Variants in NALF1 observed in about 807,000 individuals in gnomAD.
NALF1 encodes the protein NALCN channel auxiliary factor 1.
A neutral mutation model predicts 48.4 loss-of-function variants in NALF1; 3 were observed. That is an observed-to-expected ratio of 0.06 (90% CI 0.03 to 0.16). The LOEUF is 0.16. Among genes scored for constraint, NALF1 ranks in the 10% least tolerant of loss-of-function variants. NALF1 has a pLI of 1.00. For synonymous variants in NALF1, 262 were observed against 245.7 expected (o/e 1.07, Z -0.62); for missense variants, 526 against 571.5 (o/e 0.92, Z 0.81).
At chr13:107,517,227 T>C (rs1415268699) in intron 1 of NALF1, among the ~76,000 whole-genome samples, 1 of 151,840 alleles carries the variant, frequency 6.6e-6, no homozygotes, top group Non-Finnish European at 1.5e-5. Flanking sequence ...TTTTATAAAA[T>C]AGAGAAAATA....
chr13:107,288,652 C>T (rs576135331), intron 1 of NALF1, among the ~76,000 whole-genome samples: 37 of 151,944 alleles, frequency 2.4e-4, no homozygotes, highest in Admixed American at 2.0e-3. Flanking sequence ...CTGCCTCAGC[C>T]TCCGGAGTAG....
At chr13:107,327,978 T>C (rs1408352215) in intron 1 of NALF1, among the ~76,000 whole-genome samples, 6 of 151,856 alleles carry the variant, frequency 4.0e-5, no homozygotes, top group Non-Finnish European at 8.8e-5. Flanking sequence ...TGGAGTTCGG[T>C]GGCAGGATCA....
intron 1 of NALF1, among the ~76,000 whole-genome samples, chr13:107,543,652 G>A (rs1284853370): frequency 2.6e-5 from 4 of 151,782 alleles, no homozygotes; most frequent in South Asian, 2.1e-4. Context: ...AATTGGGAAC[G>A]GTCTGCATAT....
intron 1 of NALF1, chr13:107,466,519 G>T (rs140832313): frequency 6.6e-6 from 1 of 152,312 alleles, no homozygotes; most frequent in East Asian, 1.9e-4. Context: ...GACTCATCTG[G>T]GGAGAATGTC....
At chr13:107,453,892 A>T (rs761873248) in intron 1 of NALF1, among the ~76,000 whole-genome samples, 17 of 152,194 alleles carry the variant, frequency 1.1e-4, no homozygotes, top group Non-Finnish European at 2.5e-4. Flanking sequence ...CTCTCACAAG[A>T]TACCCTAAAT....
intron 1 of NALF1, among the ~76,000 whole-genome samples, chr13:107,802,024 G>T (rs572888186): frequency 6.6e-6 from 1 of 152,124 alleles, no homozygotes; most frequent in African/African-American, 2.4e-5. Flanking sequence ...AGAAAGAAAC[G>T]TGTGAAACCT....
At chr13:107,832,485 G>T (rs1206205263) in intron 1 of NALF1, among the ~76,000 whole-genome samples, 1 of 152,028 alleles carries the variant, frequency 6.6e-6, no homozygotes, top group African/African-American at 2.4e-5. Context: ...GCTAACCCCA[G>T]TTGGATCCCA....
intron 1 of NALF1, among the ~76,000 whole-genome samples, chr13:107,754,394 C>T (rs1178837233): frequency 7.2e-6 from 1 of 139,052 alleles, no homozygotes; most frequent in African/African-American, 2.7e-5. Flanking sequence ...CACACACACA[C>T]ACACCATATA....
rs532323635 is a variant in NALF1, at chr13:107,679,418, G to A, written c.915+186264C>T. 2.7e-3 allele frequency among the ~76,000 whole-genome samples: 407 copies of A among 152,320 alleles called. 1 individual carries two copies. The highest frequency in any genetic ancestry group is 4.6e-3 in the Non-Finnish European group (310 of 68,026). On this transcript the variant is annotated intron_variant, in intron 1 of 2. Transcript: ENST00000375915. ...CTCAATAAATATTTGTCAAAGAAGC[G>A]AGTGTTAGATCCCGGGGGCTGGGTG... is the stretch of plus-strand genomic sequence containing the variant.
At chr13:107,442,794 A>G (rs1329293245) in intron 1 of NALF1, among the ~76,000 whole-genome samples, 2 of 152,264 alleles carry the variant, frequency 1.3e-5, no homozygotes, top group African/African-American at 4.8e-5. Context: ...AAAGTGAATC[A>G]ATGTGACAAA....
chr13:107,560,720 C>T (rs1877621406), intron 1 of NALF1, among the ~76,000 whole-genome samples: 1 of 152,070 alleles, frequency 6.6e-6, no homozygotes, highest in Non-Finnish European at 1.5e-5. Context: ...CTATGCTCCC[C>T]CACTGGTCTA....
At chr13:107,766,496 T>C (rs190054346) in intron 1 of NALF1, among the ~76,000 whole-genome samples, 126 of 152,258 alleles carry the variant, frequency 8.3e-4, no homozygotes, top group Middle Eastern at 3.4e-3. Flanking sequence ...TTCATAATAA[T>C]GGTGATGGGG....
At chr13:107,287,226 T>C (rs1263677404) in intron 1 of NALF1, among the ~76,000 whole-genome samples, 2 of 152,214 alleles carry the variant, frequency 1.3e-5, no homozygotes, top group Non-Finnish European at 1.5e-5. Context: ...GCATCAACAG[T>C]TGGGAAAACT....
At chr13:107,230,843 T>G (rs2138824605) in intron 1 of NALF1, among the ~76,000 whole-genome samples, 1 of 152,032 alleles carries the variant, frequency 6.6e-6, no homozygotes, top group South Asian at 2.1e-4. Flanking sequence ...GAGGGTCACT[T>G]GAGACCAGGA....
chr13:107,235,884 A>G (rs1594083009), intron 1 of NALF1, among the ~76,000 whole-genome samples: 1 of 152,238 alleles, frequency 6.6e-6, no homozygotes, highest in Non-Finnish European at 1.5e-5. Flanking sequence ...TGGGTTTACT[A>G]GATGAAAGGC....
intron 1 of NALF1, among the ~76,000 whole-genome samples, chr13:107,396,681 C>G (rs1229863770): frequency 6.6e-6 from 1 of 152,130 alleles, no homozygotes; most frequent in Admixed American, 6.6e-5. Context: ...TTAGCACTTA[C>G]TGAAAGAACT....
chr13:107,718,701 T>C (rs981569068), intron 1 of NALF1, among the ~76,000 whole-genome samples: 1 of 152,204 alleles, frequency 6.6e-6, no homozygotes, highest in Non-Finnish European at 1.5e-5. Context: ...TGGGTTTCAA[T>C]GGACTTACTC....
intron 1 of NALF1, among the ~76,000 whole-genome samples, chr13:107,792,142 T>A (rs1431613768): frequency 6.6e-6 from 1 of 152,218 alleles, no homozygotes; most frequent in South Asian, 2.1e-4. Context: ...GGTCTTACTA[T>A]GCTCAAAGAC....
intron 1 of NALF1, among the ~76,000 whole-genome samples, chr13:107,792,222 A>C (rs1878267414): frequency 6.6e-6 from 1 of 152,146 alleles, no homozygotes; most frequent in South Asian, 2.1e-4. Flanking sequence ...CCATACTAAA[A>C]CTTTGTAACC....
Sources: allele counts gnomAD v4.1 joint callset (sites outside exome capture counted in the v4.1 genomes callset), GRCh38; gene constraint gnomAD v4.1.1; transcripts MANE v1.5; gene names NCBI Gene and HGNC (gene_info 2026-07-23, HGNC 2026-07-21).